CWF19L2: variants seen among roughly 807,000 people sequenced by gnomAD.
CWF19L2 encodes the protein CWF19 like cell cycle control factor 2, also known as CWF19-like protein 2.
A neutral mutation model predicts 111.7 loss-of-function variants in CWF19L2; 98 were observed. The observed-to-expected ratio is 0.88, with a 90% CI of 0.75 to 1.04. The LOEUF is 1.04. CWF19L2 is among the 50% of genes least tolerant of loss of function. The probability of loss-of-function intolerance (pLI) is 0.00; values close to 1 mark genes in which losing one functional copy is unlikely to be tolerated. For missense variants in CWF19L2, 1,101 were observed against 1,051.4 expected, an observed-to-expected ratio of 1.05 and a Z score of -0.65; for synonymous variants, 351 against 342.9, an observed-to-expected ratio of 1.02 and a Z score of -0.26.
intron 12 of CWF19L2, among the ~76,000 whole-genome samples, chr11:107,367,955 A>G (rs1860456009): frequency 7.3e-6 from 1 of 137,834 alleles, no homozygotes; most frequent in South Asian, 2.5e-4. Context: ...AGCAAAAGCA[A>G]TGTTGAGAGA....
chr11:107,411,685 A>G (rs1861159185), intron 10 of CWF19L2, among the ~76,000 whole-genome samples: 1 of 152,178 alleles, frequency 6.6e-6, no homozygotes, highest in Non-Finnish European at 1.5e-5. Flanking sequence ...TAATAAATAT[A>G]CTAATTAAAA....
chr11:107,442,944 T>C lies in CWF19L2; in HGVS notation c.445A>G (p.Ile149Val). ...AAATCAAGTGGCTTGCTTACCTTGATAATTTGGGTGTCATCTTTTCCTGAC... is the reference window on the plus strand; with the variant it reads ...AAATCAAGTGGCTTGCTTACCTTGACAATTTGGGTGTCATCTTTTCCTGAC... ...EKSGKDDTQI[I>V]KRDEWMTVDF... The change falls in exon 4 of 18, where the codon ATC becomes GTC. Residue 149 changes from isoleucine (I) to valine (V), a missense_variant. Transcript: ENST00000282251. 1 of 1,542,532 alleles carries C rather than the reference T, an allele frequency of 6.5e-7. No individual in the cohort carries two copies. The highest frequency in any genetic ancestry group is 2.4e-5 in the East Asian group (1 of 40,836).
intron 14 of CWF19L2, among the ~76,000 whole-genome samples, chr11:107,342,303 A>G (rs966650307): frequency 3.9e-5 from 6 of 151,986 alleles, no homozygotes; most frequent in African/African-American, 1.4e-4. Context: ...AAGTTGTTGA[A>G]TAATACACTA....
intron 3 of CWF19L2, among the ~76,000 whole-genome samples, chr11:107,453,231 A>G (rs1021085991): frequency 6.6e-6 from 1 of 152,188 alleles, no homozygotes; most frequent in African/African-American, 2.4e-5. Context: ...AAAAATTACT[A>G]AGACTGACAA....
At chr11:107,414,237 A>G (rs1345283815) in intron 10 of CWF19L2, among the ~76,000 whole-genome samples, 1 of 152,014 alleles carries the variant, frequency 6.6e-6, no homozygotes, top group Non-Finnish European at 1.5e-5. Flanking sequence ...TCTGTCATCT[A>G]GGCTGGAGTA....
chr11:107,356,027 G>C (rs753274522), intron 12 of CWF19L2, among the ~76,000 whole-genome samples: 68 of 152,266 alleles, frequency 4.5e-4, no homozygotes, highest in African/African-American at 1.6e-3. Context: ...GTAACTTAAA[G>C]TATGTTCTCT....
intron 16 of CWF19L2, among the ~76,000 whole-genome samples, chr11:107,331,877 A>C (rs2134519466): frequency 6.6e-6 from 1 of 152,316 alleles, no homozygotes; most frequent in South Asian, 2.1e-4. Context: ...GCTTGCTAGA[A>C]GAGTTGTTAG....
chr11:107,429,144 T>C lies in CWF19L2; in HGVS notation c.1088A>G (p.Asn363Ser), dbSNP rs1861424334. The part of the protein sequence containing the change: ...PRQNQEFSFG[N>S]LRAKFLRPSD... ...GGGTCTCAAGAATTTAGCTCTCAAA[T>C]TGCCAAAAGAAAACTCTTGATTTTG... The change falls in exon 8 of 18, where the codon AAT becomes AGT. Residue 363 changes from asparagine to serine, a missense_variant. Asn to Ser is a conservative substitution (Grantham distance 46). Coordinates refer to ENST00000282251, the MANE Select transcript of CWF19L2 (RefSeq NM_152434.3). 1.9e-6 allele frequency: 3 copies of C among 1,613,876 alleles called. No individual in the cohort carries two copies. Among genetic ancestry groups the C allele is most frequent in the Non-Finnish European group, 2.5e-6 (3 of 1,179,824 alleles).
At chr11:107,409,681 T>A (rs1309947821) in intron 10 of CWF19L2, among the ~76,000 whole-genome samples, 1 of 151,946 alleles carries the variant, frequency 6.6e-6, no homozygotes, top group East Asian at 1.9e-4. Flanking sequence ...ACTAGCAATA[T>A]CCAAAACTCA....
rs1860829291 is a variant in CWF19L2, at chr11:107,390,274, G to C, written c.1735-63C>G. The C allele has an allele frequency of 1.2e-5, 15 of 1,268,758 alleles. No individual in the cohort carries two copies. The East Asian group carries it at 3.7e-4, about 32-fold the overall frequency. The allele number at this position is 1,268,758 out of a possible 1,614,324, so 78.6% of individuals were successfully genotyped here. ...TGAGTCTCTGAAGTATTTCTTGATGGATTACATAAATATCTGATGTTAAAT... is the reference window on the plus strand; with the variant it reads ...TGAGTCTCTGAAGTATTTCTTGATGCATTACATAAATATCTGATGTTAAAT... On this transcript the variant is annotated intron_variant, in intron 11 of 17. Transcript: ENST00000282251.
Position 107,446,187 on chromosome 11 carries a change from C to T in CWF19L2, c.340-3138G>A, listed in dbSNP as rs527417653. Among the ~76,000 whole-genome samples the T allele has an allele frequency of 7.9e-5, 12 of 152,260 alleles. No homozygotes were observed. The South Asian group carries it at 1.2e-3, about 16-fold the overall frequency. ...GCTGAACCCAATTAGATGATACATT[C>T]CCTACTGAATAAAGTCAAAGCTCTT... On this transcript the variant is annotated intron_variant, in intron 3 of 17. Coordinates refer to ENST00000282251, the MANE Select transcript of CWF19L2 (RefSeq NM_152434.3).
chr11:107,340,466 T>C (rs1289393981), intron 14 of CWF19L2, among the ~76,000 whole-genome samples: 3 of 152,196 alleles, frequency 2.0e-5, no homozygotes, highest in South Asian at 2.1e-4. Context: ...TCAAATTCAG[T>C]TGAGAATATT....
intron 10 of CWF19L2, among the ~76,000 whole-genome samples, chr11:107,402,856 T>C (rs1861021228): frequency 7.6e-6 from 1 of 132,116 alleles, no homozygotes; most frequent in African/African-American, 2.9e-5. Context: ...AACGAGTGGA[T>C]AAACAAACTG....
intron 8 of CWF19L2, among the ~76,000 whole-genome samples, chr11:107,421,507 G>A (rs1364986499): frequency 6.6e-6 from 1 of 151,990 alleles, no homozygotes; most frequent in Admixed American, 6.6e-5. Flanking sequence ...ATAAAAAAGA[G>A]ATCTAAATTA....
intron 3 of CWF19L2, among the ~76,000 whole-genome samples, chr11:107,449,801 AG>A (rs1472640491): frequency 1.3e-5 from 2 of 152,106 alleles, no homozygotes; most frequent in African/African-American, 4.8e-5. Context: ...AAAAGAACAA[AG>A]AAAAAATAGA....
intron 3 of CWF19L2, among the ~76,000 whole-genome samples, chr11:107,444,870 G>A (rs1019978438): frequency 2.6e-5 from 4 of 152,092 alleles, no homozygotes; most frequent in East Asian, 1.9e-4. Flanking sequence ...ATATACCATA[G>A]AGTGAATACA....
chr11:107,362,601 C>A (rs964063378), intron 12 of CWF19L2, among the ~76,000 whole-genome samples: 4 of 151,504 alleles, frequency 2.6e-5, no homozygotes, highest in African/African-American at 7.3e-5. Flanking sequence ...AACAGACCTG[C>A]AGCTGAGGGT....
chr11:107,368,331 A>G (rs566878503), intron 12 of CWF19L2, among the ~76,000 whole-genome samples: 1 of 137,812 alleles, frequency 7.3e-6, no homozygotes, highest in East Asian at 2.1e-4. Flanking sequence ...CAAACTAGAA[A>G]ACCTAGACGA....
intron 12 of CWF19L2, among the ~76,000 whole-genome samples, chr11:107,358,638 C>T (rs1034139107): frequency 2.6e-5 from 4 of 152,250 alleles, no homozygotes; most frequent in Admixed American, 1.3e-4. Flanking sequence ...TATGAAATGT[C>T]GAGAACAGGG....
Sources: gnomAD v4.1 joint callset for allele counts (sites outside exome capture counted in the v4.1 genomes callset) on GRCh38, gnomAD v4.1.1 for gene constraint, MANE v1.5 for transcripts, NCBI Gene and HGNC (gene_info 2026-07-23, HGNC 2026-07-21) for gene names.